Variants in CTNNA3 observed in about 807,000 individuals in gnomAD.
CTNNA3 encodes the protein catenin alpha 3.
A neutral mutation model predicts 95.7 loss-of-function variants in CTNNA3; 76 were observed. The ratio of observed to expected loss-of-function variants is 0.79; its 90% CI spans 0.66 to 0.96. CTNNA3 has a LOEUF of 0.96. Ranked by LOEUF, CTNNA3 falls within the 40% of genes least tolerant of loss-of-function variation. The pLI, the probability that CTNNA3 is intolerant of heterozygous loss-of-function variation, is 0.00. For synonymous variants in CTNNA3, 431 were observed against 374.4 expected, an observed-to-expected ratio of 1.15 and a Z score of -1.74; for missense variants, 1,191 against 1,089.8, an observed-to-expected ratio of 1.09 and a Z score of -1.31.
At chr10:66,315,752 T>C (rs1206671366) in intron 12 of CTNNA3, among the ~76,000 whole-genome samples, 1 of 152,082 alleles carries the variant, frequency 6.6e-6, no homozygotes, top group Non-Finnish European at 1.5e-5. Flanking sequence ...TTCTGTAATA[T>C]TTCATCCTCA....
rs571825931 is a variant in CTNNA3, at chr10:67,189,846, T to C, written c.844-9326A>G. Reference sequence around the variant, plus strand: ...GGAGAATACATATTTCATTCATCTATAGGAGTTTTAAAAAATCTGACACTA... The same window carrying C: ...GGAGAATACATATTTCATTCATCTACAGGAGTTTTAAAAAATCTGACACTA... On this transcript the variant is annotated intron_variant, in intron 6 of 17. Transcript: ENST00000433211. Among the ~76,000 whole-genome samples, 10 of 152,216 alleles carry C rather than the reference T, an allele frequency of 6.6e-5. No individual in the cohort carries two copies. In the South Asian group the frequency reaches 1.9e-3, roughly 28 times the overall value.
At chr10:67,316,809 A>G (rs1348278231) in intron 5 of CTNNA3, among the ~76,000 whole-genome samples, 1 of 152,206 alleles carries the variant, frequency 6.6e-6, no homozygotes, top group Non-Finnish European at 1.5e-5. Flanking sequence ...TCCCCCTTGA[A>G]AATATAAAGT....
chr10:66,448,234 G>A (rs1179273173), intron 11 of CTNNA3, among the ~76,000 whole-genome samples: 1 of 152,168 alleles, frequency 6.6e-6, no homozygotes, highest in Non-Finnish European at 1.5e-5. Context: ...TGGTGGGACT[G>A]TAAACTAGTT....
intron 2 of CTNNA3, among the ~76,000 whole-genome samples, chr10:67,640,922 T>C (rs1839508487): frequency 6.6e-6 from 1 of 152,084 alleles, no homozygotes; most frequent in Admixed American, 6.6e-5. Flanking sequence ...ACCTAGGCAA[T>C]ACCATTCAGG....
chr10:66,603,539 A>G (rs1266248043), intron 10 of CTNNA3, among the ~76,000 whole-genome samples: 1 of 152,182 alleles, frequency 6.6e-6, no homozygotes, highest in Non-Finnish European at 1.5e-5. Flanking sequence ...ATTCAGTAGA[A>G]TCCTTATCAA....
intron 3 of CTNNA3, among the ~76,000 whole-genome samples, chr10:67,566,043 G>GTATATATATATACATATATATATATA (rs1841769259): frequency 3.7e-5 from 1 of 26,964 alleles, no homozygotes; most frequent in Non-Finnish European, 6.3e-5. Context: ...ATGTGTGTGT[G>GTATATATATATACATATATATATATA]TATATATATA....
intron 14 of CTNNA3, among the ~76,000 whole-genome samples, chr10:66,097,070 G>A (rs2081422484): frequency 6.6e-6 from 1 of 152,140 alleles, no homozygotes; most frequent in Non-Finnish European, 1.5e-5. Context: ...TTACTTTTGT[G>A]AATACAGATT....
chr10:66,803,821 G>A (rs1427675562), intron 7 of CTNNA3, among the ~76,000 whole-genome samples: 1 of 151,910 alleles, frequency 6.6e-6, no homozygotes, highest in Non-Finnish European at 1.5e-5. Flanking sequence ...CACTAAGTAG[G>A]ATTAACTACC....
intron 9 of CTNNA3, among the ~76,000 whole-genome samples, chr10:66,640,221 C>T (rs1248887817): frequency 2.6e-5 from 4 of 152,112 alleles, no homozygotes; most frequent in Admixed American, 1.3e-4. Flanking sequence ...CATATCTCCT[C>T]TTCATATTGG....
intron 11 of CTNNA3, among the ~76,000 whole-genome samples, chr10:66,386,042 G>A (rs2658112): frequency 6.6e-6 from 1 of 152,134 alleles, no homozygotes; most frequent in Non-Finnish European, 1.5e-5. Context: ...CACAAGACAA[G>A]GACGCCCTCA....
At chr10:66,572,056 T>TAC (rs1842882302) in intron 10 of CTNNA3, among the ~76,000 whole-genome samples, 1 of 152,102 alleles carries the variant, frequency 6.6e-6, no homozygotes, top group African/African-American at 2.4e-5. Context: ...TTCATTATGC[T>TAC]ACACAGTCTC....
intron 12 of CTNNA3, among the ~76,000 whole-genome samples, chr10:66,378,612 T>C (rs1275747427): frequency 6.6e-6 from 1 of 152,186 alleles, no homozygotes; most frequent in African/African-American, 2.4e-5. Flanking sequence ...TTTTCGAAAA[T>C]ACTAACCTGA....
chr10:66,177,407 A>T (rs1456594681), intron 13 of CTNNA3, among the ~76,000 whole-genome samples: 2 of 152,048 alleles, frequency 1.3e-5, no homozygotes, highest in East Asian at 1.9e-4. Context: ...CCAGATTTTT[A>T]AAAATTTTGT....
chr10:67,407,682 A>C (rs1845190074), intron 5 of CTNNA3, among the ~76,000 whole-genome samples: 1 of 152,202 alleles, frequency 6.6e-6, no homozygotes, highest in Non-Finnish European at 1.5e-5. Context: ...GACTCACCCC[A>C]AAAGCTTCTT....
rs370284332 is a variant in CTNNA3, at chr10:66,419,971, G to A, written c.1532-40619C>T. On this transcript the variant is annotated intron_variant, in intron 11 of 17. Transcript: ENST00000433211. ...CATAGGAAACGCACTTCCAACAGTC[G>A]TCTAGGAAAAGATTTTATGGCTAAG... Among the ~76,000 whole-genome samples, 115 of 152,122 alleles carry A rather than the reference G, an allele frequency of 7.6e-4. 1 individual carries two copies. In the South Asian group the frequency reaches 0.015, roughly 19 times the overall value.
At chr10:65,964,695 T>C (rs1370164397) in intron 17 of CTNNA3, among the ~76,000 whole-genome samples, 2 of 152,154 alleles carry the variant, frequency 1.3e-5, no homozygotes, top group African/African-American at 4.8e-5. Context: ...AATTTAGACC[T>C]TACAAAGCAC....
chr10:67,171,433 G>T (rs1862015377), intron 7 of CTNNA3, among the ~76,000 whole-genome samples: 1 of 152,054 alleles, frequency 6.6e-6, no homozygotes, highest in Admixed American at 6.5e-5. Flanking sequence ...AATCAGACGG[G>T]TGTGGTGGCA....
chr10:66,570,315 G>A (rs572235824), intron 10 of CTNNA3, among the ~76,000 whole-genome samples: 1 of 147,978 alleles, frequency 6.8e-6, no homozygotes, highest in African/African-American at 2.4e-5. Context: ...TTTTGACAGA[G>A]TCTCGCTCTG....
chr10:66,831,376 T>C (rs750969114), intron 7 of CTNNA3, among the ~76,000 whole-genome samples: 7 of 152,212 alleles, frequency 4.6e-5, no homozygotes, highest in Non-Finnish European at 1.0e-4. Context: ...AATTGTGCTA[T>C]GCTTTTTCCC....
Sources: gnomAD v4.1 joint callset for allele counts (sites outside exome capture counted in the v4.1 genomes callset) on GRCh38, gnomAD v4.1.1 for gene constraint, MANE v1.5 for transcripts, NCBI Gene and HGNC (gene_info 2026-07-23, HGNC 2026-07-21) for gene names.